SHISA9: variants seen among roughly 807,000 people sequenced by gnomAD.
The protein encoded by SHISA9 is shisa family member 9, also known as protein shisa-9.
A neutral mutation model predicts 38.0 loss-of-function variants in SHISA9; 13 were observed. That is an observed-to-expected ratio of 0.34 (90% CI 0.22 to 0.54). The LOEUF (loss-of-function observed/expected upper bound fraction) is 0.54. Ranked by LOEUF, SHISA9 falls within the 20% of genes least tolerant of loss-of-function variation. The pLI is 0.91. For synonymous variants in SHISA9, 275 were observed against 242.0 expected, an observed-to-expected ratio of 1.14 and a Z score of -1.27; for missense variants, 538 against 575.8, an observed-to-expected ratio of 0.93 and a Z score of 0.67.
chr16:13,439,970 A>G, the SHISA9 span, among the ~76,000 whole-genome samples: 5 of 152,278 alleles, frequency 3.3e-5, no homozygotes, highest in East Asian at 9.7e-4. Flanking sequence ...GATTAGATAA[A>G]ATGCTGTTAA....
the SHISA9 span, among the ~76,000 whole-genome samples, chr16:13,409,748 A>G: frequency 4.6e-5 from 7 of 152,230 alleles, no homozygotes; most frequent in Admixed American, 1.3e-4. Context: ...ATGTGTAACA[A>G]GAGAGAAGTT....
the SHISA9 span, among the ~76,000 whole-genome samples, chr16:13,367,710 G>A: frequency 0.12 from 10,576 of 89,994 alleles, 418 homozygotes; most frequent in Non-Finnish European, 0.13. Flanking sequence ...GCGCGCGCGC[G>A]CGCACACACA....
chr16:13,419,464 T>C, the SHISA9 span, among the ~76,000 whole-genome samples: 1 of 152,220 alleles, frequency 6.6e-6, no homozygotes, highest in Non-Finnish European at 1.5e-5. Flanking sequence ...AAACAACTCA[T>C]AAGAACAACT....
the SHISA9 span, among the ~76,000 whole-genome samples, chr16:13,406,757 C>T: frequency 6.6e-6 from 1 of 152,140 alleles, no homozygotes; most frequent in Non-Finnish European, 1.5e-5. Flanking sequence ...ACTAAGCCTT[C>T]ACATGTTCAT....
At chr16:13,515,990 G>A in the SHISA9 span, among the ~76,000 whole-genome samples, 2 of 152,198 alleles carry the variant, frequency 1.3e-5, no homozygotes, top group African/African-American at 4.8e-5. Flanking sequence ...ACCTTTAATG[G>A]ACTGGATAAC....
the SHISA9 span, among the ~76,000 whole-genome samples, chr16:13,433,517 A>G: frequency 9.5e-6 from 1 of 104,724 alleles, no homozygotes; most frequent in East Asian, 3.0e-4. Context: ...TTCATGGGTG[A>G]AGAAAGAGGT....
rs903104877 is a variant in SHISA9, at chr16:13,049,106, A to G, written c.691+132291A>G. On this transcript the variant is annotated intron_variant, in intron 2 of 4. Transcript: ENST00000558583. ...TTCAGCAGGCACTAGCCAGGAAATT[A>G]CTGACAGATCCAAAGGCTTGAGCTG... is the stretch of plus-strand genomic sequence containing the variant. 3.9e-5 allele frequency among the ~76,000 whole-genome samples: 6 copies of G among 152,146 alleles called. No individual in the cohort carries two copies. In the South Asian group the frequency reaches 6.2e-4, roughly 16 times the overall value.
the SHISA9 span, among the ~76,000 whole-genome samples, chr16:13,369,220 A>G: frequency 6.6e-6 from 1 of 152,180 alleles, no homozygotes; most frequent in Non-Finnish European, 1.5e-5. Flanking sequence ...TAGAAAGGAT[A>G]TAACATTGTG....
At chr16:13,129,864 G>T (rs1345577466) in intron 2 of SHISA9, among the ~76,000 whole-genome samples, 2 of 152,120 alleles carry the variant, frequency 1.3e-5, no homozygotes, top group Admixed American at 1.3e-4. Flanking sequence ...CTACTTGTGT[G>T]CCTTCTTTCC....
chr16:13,469,797 G>A, the SHISA9 span, among the ~76,000 whole-genome samples: 1 of 132,464 alleles, frequency 7.5e-6, no homozygotes, highest in Non-Finnish European at 1.6e-5. Flanking sequence ...TATATAGGAG[G>A]TATCTACCTG....
the SHISA9 span, among the ~76,000 whole-genome samples, chr16:13,551,129 A>G: frequency 6.6e-6 from 1 of 151,848 alleles, no homozygotes; most frequent in Non-Finnish European, 1.5e-5. Flanking sequence ...ATCTCGAAAA[A>G]AAAAAAAAGA....
intron 2 of SHISA9, among the ~76,000 whole-genome samples, chr16:13,001,612 A>G (rs971620898): frequency 6.6e-6 from 1 of 152,228 alleles, no homozygotes. Flanking sequence ...GGCTGATGCA[A>G]ATGTTCTATA....
At chr16:12,982,804 G>A (rs1738244994) in intron 2 of SHISA9, among the ~76,000 whole-genome samples, 1 of 152,160 alleles carries the variant, frequency 6.6e-6, no homozygotes, top group Non-Finnish European at 1.5e-5. Context: ...TAAAGCCCTG[G>A]TACCTGGAAA....
chr16:13,514,978 T>A, the SHISA9 span, among the ~76,000 whole-genome samples: 1 of 151,926 alleles, frequency 6.6e-6, no homozygotes, highest in African/African-American at 2.4e-5. Context: ...ATGGGGAAAA[T>A]TTTTAAAATA....
chr16:13,130,968 T>C (rs2050301278), intron 2 of SHISA9, among the ~76,000 whole-genome samples: 1 of 152,158 alleles, frequency 6.6e-6, no homozygotes, highest in Non-Finnish European at 1.5e-5. Flanking sequence ...AAACAACAGA[T>C]ACTGATGAGG....
intron 2 of SHISA9, among the ~76,000 whole-genome samples, chr16:13,018,560 G>A (rs530219398): frequency 6.6e-6 from 1 of 152,354 alleles, no homozygotes; most frequent in African/African-American, 2.4e-5. Flanking sequence ...GCGATTTGCA[G>A]TGGGGTGGAG....
At chr16:13,485,078 T>C in the SHISA9 span, among the ~76,000 whole-genome samples, 37 of 152,142 alleles carry the variant, frequency 2.4e-4, no homozygotes, top group Non-Finnish European at 5.0e-4. Flanking sequence ...AGAATGTGCA[T>C]GTTTGTTACA....
intron 2 of SHISA9, among the ~76,000 whole-genome samples, chr16:13,001,139 G>T (rs192413234): frequency 1.1e-3 from 164 of 152,330 alleles, no homozygotes; most frequent in Non-Finnish European, 2.0e-3. Flanking sequence ...TGTTGGCCAG[G>T]CTAGTCTTGA....
At chr16:13,283,444 C>T in the SHISA9 span, among the ~76,000 whole-genome samples, 1 of 152,052 alleles carries the variant, frequency 6.6e-6, no homozygotes, top group East Asian at 1.9e-4. Flanking sequence ...CTCACAGTTC[C>T]AAATGGCTGG....
Sources: allele counts gnomAD v4.1 joint callset (sites outside exome capture counted in the v4.1 genomes callset), GRCh38; gene constraint gnomAD v4.1.1; transcripts MANE v1.5; gene names NCBI Gene and HGNC (gene_info 2026-07-23, HGNC 2026-07-21).